AP4S1: variants seen among roughly 807,000 people sequenced by gnomAD.
AP4S1 encodes adaptor related protein complex 4 subunit sigma 1, also known as AP-4 complex subunit sigma-1.
Under a neutral mutation model 19.8 loss-of-function variants are expected in AP4S1, and 23 were observed. The ratio of observed to expected loss-of-function variants is 1.16; its 90% CI spans 0.84 to 1.65. AP4S1 has a LOEUF of 1.65. AP4S1 is among the 40% of genes most tolerant of loss of function. The pLI is 0.00. For missense variants in AP4S1, 166 were observed against 172.8 expected, an observed-to-expected ratio of 0.96 and a Z score of 0.22; for synonymous variants, 46 against 54.1, an observed-to-expected ratio of 0.85 and a Z score of 0.66.
intron 5 of AP4S1, among the ~76,000 whole-genome samples, chr14:31,088,261 C>T (rs1594717584): frequency 1.3e-5 from 2 of 152,286 alleles, no homozygotes; most frequent in East Asian, 1.9e-4. Context: ...TCCTCACCAC[C>T]AGGTCCCTCT....
intron 4 of AP4S1, 173 bp downstream of exon 4, chr14:31,073,146 T>C: frequency 1.6e-6 from 1 of 636,390 alleles, no homozygotes; most frequent in Non-Finnish European, 2.8e-6. Flanking sequence ...TCCAAAGTGT[T>C]ACAAGCCTAT....
At chr14:31,069,779 G>A (rs1886900647) in intron 2 of AP4S1, 64 bp from the exon 3 acceptor site, 3 of 1,205,068 alleles carry the variant, frequency 2.5e-6, no homozygotes, top group East Asian at 2.3e-5. Flanking sequence ...TAGAACTTAC[G>A]CATGTCATTT....
At chr14:31,025,886 C>G in intron 1 of AP4S1, 99 bp downstream of exon 1, 1 of 1,593,808 alleles carries the variant, frequency 6.3e-7, no homozygotes, top group Non-Finnish European at 8.5e-7. Context: ...CTCCCGCACA[C>G]CGACCCCAAC....
At chr14:31,036,700 T>G (rs1268074434) in intron 1 of AP4S1, among the ~76,000 whole-genome samples, 1 of 152,228 alleles carries the variant, frequency 6.6e-6, no homozygotes, top group Non-Finnish European at 1.5e-5. Context: ...CCAGGCCTCC[T>G]TCCAGTTCCC....
At chr14:31,069,604 A>G (rs1886892299) in intron 2 of AP4S1, among the ~76,000 whole-genome samples, 1 of 152,236 alleles carries the variant, frequency 6.6e-6, no homozygotes, top group Non-Finnish European at 1.5e-5. Context: ...GAAGGAGTGT[A>G]AGTGGGAACC....
intron 1 of AP4S1, among the ~76,000 whole-genome samples, chr14:31,049,976 C>T (rs931105163): frequency 6.6e-6 from 1 of 152,138 alleles, no homozygotes; most frequent in Non-Finnish European, 1.5e-5. Context: ...GACTGGAGTG[C>T]AGTGGCATGA....
At chr14:31,039,836 G>A (rs1275028520) in intron 1 of AP4S1, among the ~76,000 whole-genome samples, 5 of 151,870 alleles carry the variant, frequency 3.3e-5, no homozygotes, top group African/African-American at 1.2e-4. Flanking sequence ...TGATCCGCCC[G>A]TCTCGGCCTC....
chr14:31,081,988 C>T (rs1046470816), intron 5 of AP4S1, among the ~76,000 whole-genome samples: 3 of 152,050 alleles, frequency 2.0e-5, no homozygotes, highest in African/African-American at 7.2e-5. Context: ...TGAGCCACCA[C>T]GTCCGGCCTA....
chr14:31,037,478 C>T (rs1884850665), intron 1 of AP4S1, among the ~76,000 whole-genome samples: 1 of 152,114 alleles, frequency 6.6e-6, no homozygotes, highest in South Asian at 2.1e-4. Flanking sequence ...ATTGCCTGCT[C>T]TTTCTCCTAA....
rs906386175 is a variant in AP4S1 at position 31,035,906 on chromosome 14, A to G, written c.-72+10119A>G. ...CCACAAGGCCCGGCTAATTTTTTGT[A>G]TTTTTGGTAGAGACGGGGTTTCACC... On this transcript the variant is annotated intron_variant, in intron 1 of 5. Coordinates refer to ENST00000542754, the MANE Select transcript of AP4S1 (RefSeq NM_001128126.3). Among the ~76,000 whole-genome samples, 9 of 151,632 alleles carry G rather than the reference A, an allele frequency of 5.9e-5. No homozygotes were observed. The East Asian group carries it at 9.8e-4, about 16-fold the overall frequency.
intron 3 of AP4S1, 97 bp from the exon 4 acceptor site, chr14:31,072,808 C>A: frequency 1.0e-6 from 1 of 974,538 alleles, no homozygotes. Context: ...CACTAAGCCA[C>A]ATGCTCTAAA....
chr14:31,035,793 G>A (rs958536820), intron 1 of AP4S1, among the ~76,000 whole-genome samples: 6 of 151,318 alleles, frequency 4.0e-5, no homozygotes, highest in South Asian at 2.1e-4. Flanking sequence ...GCAGTGGTGC[G>A]ATCTCGACTC....
At position 31,026,177 on chromosome 14, in the gene AP4S1, C is replaced by T. The variant is rs1883906853; in HGVS notation, c.-72+390C>T. On this transcript the variant is annotated intron_variant, in intron 1 of 5. Coordinates refer to ENST00000542754, the MANE Select transcript of AP4S1 (RefSeq NM_001128126.3). ...GGCCGCCACCACCGCCTCCGGCAAG[C>T]TCGTCCATTGTGTGTGGGGCCCCGG... is the stretch of plus-strand genomic sequence containing the variant. The T allele has an allele frequency of 5.4e-6, 8 of 1,477,588 alleles. No individual in the cohort carries two copies. In the Admixed American group the frequency reaches 1.6e-4, roughly 30 times the overall value. 91.5% of individuals were successfully genotyped at this position (1,477,588 alleles called of 1,614,324 possible). A position where few individuals can be genotyped will look rare whatever the true frequency, so the allele number is the denominator to read the frequency against.
rs1363980301 is a variant in AP4S1 at position 31,025,781 on chromosome 14, A to G, written c.-78A>G. Reference sequence around the variant, plus strand: ...TTGAGAGGACCATCACAACCTGAGCAGCACAGGTAGGTTCCGCTCGGCCTC... The same window carrying G: ...TTGAGAGGACCATCACAACCTGAGCGGCACAGGTAGGTTCCGCTCGGCCTC... On this transcript the variant is annotated 5_prime_UTR_variant, in exon 1 of 6. Coordinates refer to ENST00000542754, the MANE Select transcript of AP4S1 (RefSeq NM_001128126.3). The G allele has an allele frequency of 7.5e-7, 1 of 1,330,382 alleles. No individual in the cohort carries two copies. Among genetic ancestry groups the G allele is most frequent in the Non-Finnish European group, 1.0e-6 (1 of 982,184 alleles). The allele number at this position is 1,330,382 out of a possible 1,614,324, so 82.4% of individuals were successfully genotyped here. A position where few individuals can be genotyped will look rare whatever the true frequency, so the allele number is the denominator to read the frequency against.
intron 1 of AP4S1, among the ~76,000 whole-genome samples, chr14:31,043,047 C>G (rs932904362): frequency 3.3e-5 from 5 of 151,866 alleles, no homozygotes; most frequent in African/African-American, 1.2e-4. Flanking sequence ...ATGGTGAAAC[C>G]CTGTCTCTAC....
chr14:31,036,140 AAT>A (rs140770024), intron 1 of AP4S1, among the ~76,000 whole-genome samples: 2 of 152,258 alleles, frequency 1.3e-5, no homozygotes, highest in East Asian at 1.9e-4. Flanking sequence ...ATTTTAAAAA[AAT>A]AATCTAATAT....
intron 1 of AP4S1, chr14:31,026,188 T>C: frequency 6.9e-6 from 10 of 1,439,420 alleles, no homozygotes; most frequent in Non-Finnish European, 9.0e-6. Context: ...TCGTCCATTG[T>C]GTGTGGGGCC....
intron 5 of AP4S1, among the ~76,000 whole-genome samples, chr14:31,090,461 A>C (rs1180204208): frequency 6.6e-6 from 1 of 152,198 alleles, no homozygotes; most frequent in African/African-American, 2.4e-5. Flanking sequence ...TTTCTAGCTC[A>C]TGTCAGCTCA....
chr14:31,085,924 G>A (rs1012486098), intron 5 of AP4S1: 2 of 783,614 alleles, frequency 2.6e-6, no homozygotes, highest in Non-Finnish European at 3.1e-6. Flanking sequence ...GCAGTTGAGG[G>A]TGGGACATAG....
Sources: allele counts gnomAD v4.1 joint callset (sites outside exome capture counted in the v4.1 genomes callset), GRCh38; gene constraint gnomAD v4.1.1; transcripts MANE v1.5; gene names NCBI Gene and HGNC (gene_info 2026-07-23, HGNC 2026-07-21).